Variants in SEPSECS observed in about 807,000 individuals in gnomAD.
The protein encoded by SEPSECS is O-phosphoseryl-tRNA(Sec) selenium transferase.
In SEPSECS, 42 loss-of-function variants were observed where a neutral mutation model predicts 52.1. The observed-to-expected ratio is 0.81, with a 90% CI of 0.63 to 1.04. SEPSECS has a LOEUF of 1.04. SEPSECS is among the 50% of genes least tolerant of loss of function. The pLI, the probability that SEPSECS is intolerant of heterozygous loss-of-function variation, is 0.00. For synonymous variants in SEPSECS, 216 were observed against 211.4 expected (o/e 1.02, Z -0.19); for missense variants, 590 against 610.6 (o/e 0.97, Z 0.36).
chr4:25,152,115 T>C, intron 5 of SEPSECS, 53 bp from the exon 6 acceptor site: 1 of 1,107,930 alleles, frequency 9.0e-7, no homozygotes, highest in Non-Finnish European at 1.4e-6. Flanking sequence ...GTTTTATAAA[T>C]GATAGTGCAG....
chr4:25,125,710 G>T lies in SEPSECS; in HGVS notation c.1195C>A (p.Gln399Lys), dbSNP rs1173822998. The stretch of plus-strand genomic sequence containing the variant: ...CATACTTACCTGGCTCCAGAAACCT[G>T]TCTGGTAAAAAGCATCGAGCCAAGC... ...TQLGSMLFTRQVSGARVVPLG... is the reference protein window; with the variant it reads ...TQLGSMLFTRKVSGARVVPLG... Residue 399 changes from glutamine (Q) to lysine (K), a missense_variant, in exon 10 of 11, where the codon CAG becomes AAG. Gln to Lys is a moderately conservative substitution (Grantham distance 53). Transcript: ENST00000382103. 1 of 1,611,504 alleles carries T rather than the reference G, an allele frequency of 6.2e-7. No homozygotes were observed. The highest frequency in any genetic ancestry group is 8.5e-7 in the Non-Finnish European group (1 of 1,178,156).
At chr4:25,141,842 C>T (rs367972200) in intron 8 of SEPSECS, among the ~76,000 whole-genome samples, 227 of 152,332 alleles carry the variant, frequency 1.5e-3, no homozygotes, top group South Asian at 0.014. Context: ...GCTCTTTTTG[C>T]TCCAGCCACA....
chr4:25,160,264 G>C lies in SEPSECS; in HGVS notation c.106C>G (p.Leu36Val). The change falls in exon 1 of 11, where the codon CTG becomes GTG. Residue 36 changes from leucine (L) to valine (V), a missense_variant. Coordinates refer to ENST00000382103, the MANE Select transcript of SEPSECS (RefSeq NM_016955.4). ...RSHEHLIRLL[L>V]EKGKCPENGW... The stretch of plus-strand genomic sequence containing the variant: ...GACCGACAGCTCGGTACCTTCTCCA[G>C]AAGCAGCCGTATGAGGTGCTCATGC... The C allele has an allele frequency of 6.4e-7, 1 of 1,556,016 alleles. No homozygotes were observed. Among genetic ancestry groups the C allele is most frequent in the Non-Finnish European group, 8.7e-7 (1 of 1,149,096 alleles).
At chr4:25,151,375 G>A (rs1197013971) in intron 6 of SEPSECS, among the ~76,000 whole-genome samples, 1 of 152,110 alleles carries the variant, frequency 6.6e-6, no homozygotes, top group African/African-American at 2.4e-5. Flanking sequence ...AAGGAAAGCA[G>A]TAGAAAATGA....
chr4:25,125,099 T>A (rs760710492), intron 10 of SEPSECS, among the ~76,000 whole-genome samples: 1 of 152,172 alleles, frequency 6.6e-6, no homozygotes, highest in Non-Finnish European at 1.5e-5. Flanking sequence ...ATCTCTATCC[T>A]CCGGTAGCTA....
chr4:25,152,786 T>C (rs1403911231), intron 5 of SEPSECS, among the ~76,000 whole-genome samples: 1 of 151,974 alleles, frequency 6.6e-6, no homozygotes, highest in Non-Finnish European at 1.5e-5. Context: ...AAATACTTCT[T>C]GTGACTGAGC....
chr4:25,158,862 T>G (rs1055555599), intron 2 of SEPSECS, 91 bp downstream of exon 2: 2 of 1,302,050 alleles, frequency 1.5e-6, no homozygotes, highest in Non-Finnish European at 2.2e-6. Context: ...AAACTGACAT[T>G]TGATAATCTA....
intron 9 of SEPSECS, among the ~76,000 whole-genome samples, chr4:25,126,749 T>G (rs1728388945): frequency 1.3e-5 from 2 of 152,178 alleles, no homozygotes; most frequent in Non-Finnish European, 2.9e-5. Context: ...AATAATGACA[T>G]TAAAAACAAC....
chr4:25,135,502 G>A (rs976719943), intron 8 of SEPSECS, among the ~76,000 whole-genome samples: 38 of 152,080 alleles, frequency 2.5e-4, no homozygotes, highest in African/African-American at 7.2e-4. Flanking sequence ...ACCCTCCCAA[G>A]ACTGAACCAG....
intron 8 of SEPSECS, among the ~76,000 whole-genome samples, chr4:25,135,043 T>C (rs1728779725): frequency 6.6e-6 from 1 of 152,176 alleles, no homozygotes; most frequent in African/African-American, 2.4e-5. Flanking sequence ...CTGGAATCTC[T>C]GGGATACAGC....
At position 25,151,832 on chromosome 4, in the gene SEPSECS, AAC is replaced by A. The variant is rs3217118; in HGVS notation, c.804+126_804+127del. On this transcript the variant is annotated intron_variant, in intron 6 of 10. Transcript: ENST00000382103. ...GAGAGATTATCAGATGTAAGTTCCT[AAC>A]ACAACCTGAAGCAGATGGTCATAAA... The A allele has an allele frequency of 0.016, 10,760 of 677,162 alleles. 563 individuals carry two copies. Among genetic ancestry groups the A allele is most frequent in the East Asian group, 0.14 (4,783 of 35,272 alleles). 41.9% of individuals were successfully genotyped at this position (677,162 alleles called of 1,614,324 possible). A position where few individuals can be genotyped will look rare whatever the true frequency, so the allele number is the denominator to read the frequency against.
At chr4:25,146,780 A>C (rs1711988311) in intron 6 of SEPSECS, among the ~76,000 whole-genome samples, 1 of 152,210 alleles carries the variant, frequency 6.6e-6, no homozygotes, top group Non-Finnish European at 1.5e-5. Context: ...TATATGCTCT[A>C]AAATCCACTC....
intron 5 of SEPSECS, among the ~76,000 whole-genome samples, chr4:25,154,581 A>C (rs1419779048): frequency 3.3e-5 from 5 of 152,206 alleles, no homozygotes; most frequent in Non-Finnish European, 7.4e-5. Context: ...TTAATCTTCC[A>C]ATTACAGAAA....
In SEPSECS at chr4:25,123,602, C is replaced by G; in HGVS notation, c.*329G>C. 3.2e-6 allele frequency: 1 copy of G among 316,648 alleles called. No individual in the cohort carries two copies. The highest frequency in any genetic ancestry group is 3.4e-5 in the South Asian group (1 of 29,046). The allele number at this position is 316,648 out of a possible 1,614,324, so 19.6% of individuals were successfully genotyped here. A position where few individuals can be genotyped will look rare whatever the true frequency, so the allele number is the denominator to read the frequency against. On this transcript the variant is annotated 3_prime_UTR_variant, in exon 11 of 11. Coordinates refer to ENST00000382103, the MANE Select transcript of SEPSECS (RefSeq NM_016955.4). ...GGTAAAGAATGGTTAGGAGGAAGCA[C>G]TCTACATTTCAAAGAGAATTGAAGT...
At chr4:25,156,432 C>T (rs934913389) in intron 3 of SEPSECS, among the ~76,000 whole-genome samples, 2 of 151,504 alleles carry the variant, frequency 1.3e-5, no homozygotes, top group South Asian at 2.1e-4. Context: ...CGGCCGGGCG[C>T]GGTGGCTCAT....
chr4:25,152,083 T>C (rs1300312032), intron 5 of SEPSECS, 21 bp from the exon 6 acceptor site: 2 of 1,278,670 alleles, frequency 1.6e-6, no homozygotes, highest in Non-Finnish European at 2.3e-6. Flanking sequence ...AAATATTCAA[T>C]AGAAAGACAT....
rs748523612 is a variant in SEPSECS at position 25,124,378 on chromosome 4, G to A, written c.1212-153C>T. 5.9e-4 allele frequency among the ~76,000 whole-genome samples: 89 copies of A among 152,018 alleles called. 1 individual carries two copies. Among genetic ancestry groups the A allele is most frequent in the Non-Finnish European group, 1.1e-3 (77 of 67,992 alleles). ...ATGGCCTACAAAAATAGACTGTATC[G>A]ACTTTAAAATGAAATTCTATAATAC... On this transcript the variant is annotated intron_variant, in intron 10 of 10. Transcript: ENST00000382103.
Position 25,159,115 on chromosome 4 carries a change from A to T in SEPSECS, c.115-8T>A. On this transcript the variant is annotated splice_region_variant and splice_polypyrimidine_tract_variant and intron_variant, in intron 1 of 10. Transcript: ENST00000382103. The stretch of plus-strand genomic sequence containing the variant: ...ATTCTCTGGACACTTGCCCTTAAAA[A>T]AAAAAAAAAACTTATGATTATATTT... The T allele has an allele frequency of 6.4e-7, 1 of 1,570,190 alleles. No individual in the cohort carries two copies. Among genetic ancestry groups the T allele is most frequent in the Non-Finnish European group, 8.6e-7 (1 of 1,163,838 alleles).
At chr4:25,152,271 G>C (rs545488898) in intron 5 of SEPSECS, among the ~76,000 whole-genome samples, 1 of 151,926 alleles carries the variant, frequency 6.6e-6, no homozygotes, top group East Asian at 1.9e-4. Flanking sequence ...ACCTAAAAAG[G>C]CTTTTAAATT....
Sources: allele counts gnomAD v4.1 joint callset (sites outside exome capture counted in the v4.1 genomes callset), GRCh38; gene constraint gnomAD v4.1.1; transcripts MANE v1.5; gene names NCBI Gene and HGNC (gene_info 2026-07-23, HGNC 2026-07-21).